LVRN: variants seen among roughly 807,000 people sequenced by gnomAD.
LVRN encodes the protein laeverin.
A neutral mutation model predicts 111.4 loss-of-function variants in LVRN; 99 were observed. The ratio of observed to expected loss-of-function variants is 0.89; its 90% CI spans 0.76 to 1.05. The LOEUF (loss-of-function observed/expected upper bound fraction) is 1.05, where lower values mean the gene tolerates loss of function less well. Ranked by LOEUF, LVRN falls within the 50% of genes least tolerant of loss-of-function variation. The pLI, the probability that LVRN is intolerant of heterozygous loss-of-function variation, is 0.00. For synonymous variants in LVRN, 488 were observed against 449.5 expected (o/e 1.09, Z -1.08); for missense variants, 1,414 against 1,206.8 (o/e 1.17, Z -2.54).
At chr5:116,015,179 A>G (rs1748572979) in intron 16 of LVRN, 73 bp from the exon 17 acceptor site, 4 of 849,920 alleles carry the variant, frequency 4.7e-6, no homozygotes, top group African/African-American at 1.8e-5. Context: ...TTCTAGATTC[A>G]TACTTCTAAA....
At chr5:116,008,580 C>T (rs1748425611) in intron 13 of LVRN, among the ~76,000 whole-genome samples, 1 of 149,164 alleles carries the variant, frequency 6.7e-6, no homozygotes, top group Non-Finnish European at 1.5e-5. Context: ...TTAAAAAGTA[C>T]TGCTCCAGTG....
rs200776123 is a variant in LVRN at position 116,015,761 on chromosome 5, A to T, written c.2752A>T (p.Lys918Ter). Reference protein sequence around the residue: ...FLVNNWQAVSKRYGTQSLINL... With the variant: ...FLVNNWQAVS ...AGTCAACAACTGGCAAGCTGTGAGT[A>T]AAAGGTAAGAAGGAAAGTGAGACCT... is the stretch of plus-strand genomic sequence containing the variant. The change falls in exon 18 of 20, where the codon AAA becomes TAA. Residue 918 changes from lysine (K) to a stop codon, truncating the protein, a stop_gained. Transcript: ENST00000357872. LOFTEE classifies it high-confidence loss of function. 6.2e-6 allele frequency: 10 copies of T among 1,612,920 alleles called. No homozygotes were observed. The highest frequency in any genetic ancestry group is 8.5e-6 in the Non-Finnish European group (10 of 1,179,430).
At chr5:115,984,457 T>A (rs1747802988) in intron 2 of LVRN, 113 bp from the exon 3 acceptor site, 3 of 1,296,252 alleles carry the variant, frequency 2.3e-6, no homozygotes, top group Non-Finnish European at 3.2e-6. Flanking sequence ...ACTGCTAGAC[T>A]ATGAGGAATA....
Position 115,965,469 on chromosome 5 carries a change from T to G in LVRN, c.695+2157T>G, listed in dbSNP as rs567745770. Among the ~76,000 whole-genome samples, 296 of 152,358 alleles carry G rather than the reference T, an allele frequency of 1.9e-3. 1 individual carries two copies. Among genetic ancestry groups the G allele is most frequent in the Non-Finnish European group, 3.3e-3 (226 of 68,036 alleles). ...TGTATTTTACTAGAATTAAAAATTT[T>G]TAATGAGCAAAAATAAATTATAGAT... On this transcript the variant is annotated intron_variant, in intron 1 of 19. Transcript: ENST00000357872.
intron 16 of LVRN, among the ~76,000 whole-genome samples, chr5:116,014,811 T>G (rs1748565522): frequency 6.6e-6 from 1 of 152,116 alleles, no homozygotes. Context: ...TTGTTTTGAG[T>G]CTTAATAGGT....
chr5:115,983,956 C>T (rs1747780399), intron 2 of LVRN, among the ~76,000 whole-genome samples: 2 of 152,100 alleles, frequency 1.3e-5, no homozygotes, highest in African/African-American at 4.8e-5. Flanking sequence ...GGAATTTAGC[C>T]TCCACAATTG....
intron 6 of LVRN, among the ~76,000 whole-genome samples, chr5:115,996,016 C>A (rs1748100779): frequency 6.6e-6 from 1 of 151,972 alleles, no homozygotes; most frequent in South Asian, 2.1e-4. Context: ...TAGCTCTCTC[C>A]AACAGTCCTT....
intron 13 of LVRN, among the ~76,000 whole-genome samples, chr5:116,010,302 A>G (rs772093663): frequency 6.6e-6 from 1 of 152,224 alleles, no homozygotes; most frequent in African/African-American, 2.4e-5. Context: ...TTATGATATT[A>G]GCTTTATTGT....
intron 15 of LVRN, 26 bp from the exon 16 acceptor site, chr5:116,014,394 T>A (rs1210433610): frequency 2.6e-6 from 4 of 1,553,272 alleles, no homozygotes; most frequent in Non-Finnish European, 3.5e-6. Flanking sequence ...CAAAATAAAC[T>A]GTTTTTCTTT....
At chr5:115,975,554 T>TAAAACTTCTTGGGC (rs1753427076) in intron 1 of LVRN, 5 of 159,036 alleles carry the variant, frequency 3.1e-5, no homozygotes, top group Non-Finnish European at 5.6e-5. Context: ...AATAGCATAA[T>TAAAACTTCTTGGGC]GTTTTTCCTG....
At position 116,005,406 on chromosome 5, in the gene LVRN, C is replaced by G. The variant is rs144577247; in HGVS notation, c.2038-506C>G. ...ACACTGGCAATTGGCCCCTGCCATT[C>G]CATGGATGTAAAGGGATCTGTTGGT... On this transcript the variant is annotated intron_variant, in intron 12 of 19. Transcript: ENST00000357872. 5.3e-5 allele frequency among the ~76,000 whole-genome samples: 8 copies of G among 152,296 alleles called. No homozygotes were observed. In the East Asian group the frequency reaches 1.5e-3, roughly 29 times the overall value.
chr5:115,978,433 A>G (rs1032244625), intron 1 of LVRN, among the ~76,000 whole-genome samples: 3 of 152,138 alleles, frequency 2.0e-5, no homozygotes, highest in Non-Finnish European at 4.4e-5. Flanking sequence ...TCGTTTTTCC[A>G]TTGTCCTTTT....
At chr5:115,981,036 A>G (rs1269576002) in intron 1 of LVRN, among the ~76,000 whole-genome samples, 2 of 152,202 alleles carry the variant, frequency 1.3e-5, no homozygotes, top group Non-Finnish European at 2.9e-5. Context: ...GTTACACAAC[A>G]GTCTTTACAG....
intron 2 of LVRN, among the ~76,000 whole-genome samples, chr5:115,984,246 G>C (rs1367624445): frequency 1.3e-5 from 2 of 152,188 alleles, no homozygotes; most frequent in Non-Finnish European, 2.9e-5. Context: ...ATTAAGTGTT[G>C]TGAGAAATGG....
chr5:115,992,073 ATTT>A, intron 4 of LVRN, 47 bp from the exon 5 acceptor site: 1 of 1,526,934 alleles, frequency 6.5e-7, no homozygotes, highest in Non-Finnish European at 8.8e-7. Flanking sequence ...AAAAAATCCC[ATTT>A]TTTGGAAAAG....
chr5:115,993,670 A>T, intron 5 of LVRN, 71 bp from the exon 6 acceptor site: 1 of 949,304 alleles, frequency 1.1e-6, no homozygotes, highest in South Asian at 1.6e-5. Flanking sequence ...TTTACTTAAC[A>T]TGCAATTACA....
chr5:115,966,255 C>T (rs1753200117), intron 1 of LVRN, among the ~76,000 whole-genome samples: 1 of 152,214 alleles, frequency 6.6e-6, no homozygotes, highest in Non-Finnish European at 1.5e-5. Context: ...CTGACAACCA[C>T]TAATCCGTTC....
chr5:115,974,834 C>T, intron 1 of LVRN: 1 of 325,172 alleles, frequency 3.1e-6, no homozygotes, highest in South Asian at 3.3e-5. Flanking sequence ...TTAATATTCA[C>T]TTGACTTATT....
intron 14 of LVRN, among the ~76,000 whole-genome samples, chr5:116,011,992 C>T (rs1158437068): frequency 6.6e-6 from 1 of 151,762 alleles, no homozygotes; most frequent in East Asian, 1.9e-4. Flanking sequence ...GGTAGAAAGG[C>T]TATTTTATAT....
Sources: allele counts gnomAD v4.1 joint callset (sites outside exome capture counted in the v4.1 genomes callset), GRCh38; gene constraint gnomAD v4.1.1; transcripts MANE v1.5; gene names NCBI Gene and HGNC (gene_info 2026-07-23, HGNC 2026-07-21).